SLAMF1: variants seen among roughly 807,000 people sequenced by gnomAD.
SLAMF1 encodes the protein signaling lymphocytic activation molecule family member 1.
Under a neutral mutation model 35.1 loss-of-function variants are expected in SLAMF1, and 18 were observed. That is an observed-to-expected ratio of 0.51 (90% CI 0.35 to 0.76). The LOEUF is 0.76. Among genes scored for constraint, SLAMF1 ranks in the 30% least tolerant of loss-of-function variants. The pLI, the probability that SLAMF1 is intolerant of heterozygous loss-of-function variation, is 0.01. For missense variants in SLAMF1, 392 were observed against 413.0 expected (o/e 0.95, Z 0.44); for synonymous variants, 168 against 157.2 (o/e 1.07, Z -0.51).
In SLAMF1 at chr1:160,634,601, C is replaced by A. The variant is rs1455345183; in HGVS notation, c.700+12G>T. On this transcript the variant is annotated intron_variant, in intron 3 of 6. Transcript: ENST00000302035. ...ATTAAGGTGGCACACAGGCTGCCAC[C>A]AGTGTACTCACCTGAGGGGTCTGTC... 6.3e-7 allele frequency: 1 copy of A among 1,582,756 alleles called. No homozygotes were observed. Among genetic ancestry groups the A allele is most frequent in the South Asian group, 1.2e-5 (1 of 85,690 alleles).
At chr1:160,633,738 G>A (rs997785723) in intron 3 of SLAMF1, among the ~76,000 whole-genome samples, 2 of 152,222 alleles carry the variant, frequency 1.3e-5, no homozygotes, top group African/African-American at 4.8e-5. Flanking sequence ...GGCTTACTTA[G>A]TAAGTTCTGT....
At chr1:160,637,614 G>T in intron 1 of SLAMF1, 85 bp from the exon 2 acceptor site, 1 of 971,312 alleles carries the variant, frequency 1.0e-6, no homozygotes, top group African/African-American at 1.6e-5. Context: ...ACAGACTGGA[G>T]GCTCTCCCTC....
chr1:160,639,438 G>C (rs1660627000), intron 1 of SLAMF1, among the ~76,000 whole-genome samples: 1 of 152,084 alleles, frequency 6.6e-6, no homozygotes, highest in South Asian at 2.1e-4. Context: ...TGTTGGCCAG[G>C]CTGGTTTCGA....
intron 1 of SLAMF1, among the ~76,000 whole-genome samples, chr1:160,638,913 T>C (rs1309711836): frequency 1.3e-5 from 2 of 152,214 alleles, no homozygotes; most frequent in Non-Finnish European, 2.9e-5. Context: ...TCTGCTCTTC[T>C]GGACTTCTAA....
At chr1:160,630,945 T>C (rs1481609746) in intron 3 of SLAMF1, among the ~76,000 whole-genome samples, 1 of 152,144 alleles carries the variant, frequency 6.6e-6, no homozygotes, top group Non-Finnish European at 1.5e-5. Flanking sequence ...CTCTCTCTAA[T>C]CCCCCGAGAC....
intron 1 of SLAMF1, among the ~76,000 whole-genome samples, chr1:160,643,403 C>T (rs1660863882): frequency 6.6e-6 from 1 of 152,162 alleles, no homozygotes; most frequent in Admixed American, 6.5e-5. Flanking sequence ...GCACCCTGGG[C>T]GCTCTACCTA....
At position 160,637,241 on chromosome 1, in the gene SLAMF1, A is replaced by C; in HGVS notation, c.365T>G (p.Leu122Arg). The change falls in exon 2 of 7, where the codon CTG (leucine) becomes CGG (arginine). Residue 122 changes from leucine (L) to arginine (R), a missense_variant. By Grantham distance (102) the Leu-to-Arg change is moderately radical (BLOSUM62 -2). Coordinates refer to ENST00000302035, the MANE Select transcript of SLAMF1 (RefSeq NM_003037.5). ...GCGCTGAACTGAAACATTTTTCTCC[A>C]GGGTCATAAGGTACCATCCCTCATC... ...KEDEGWYLMT[L>R]EKNVSVQRFC... 1 of 1,614,134 alleles carries C rather than the reference A, an allele frequency of 6.2e-7. No homozygotes were observed. Among genetic ancestry groups the C allele is most frequent in the Non-Finnish European group, 8.5e-7 (1 of 1,180,000 alleles).
intron 4 of SLAMF1, among the ~76,000 whole-genome samples, chr1:160,621,963 A>G (rs1370155146): frequency 6.6e-6 from 1 of 151,676 alleles, no homozygotes; most frequent in Non-Finnish European, 1.5e-5. Context: ...AGTGTTTGCA[A>G]AGTAAGACAT....
chr1:160,646,989 G>T lies in SLAMF1; in HGVS notation c.-44C>A. 2.2e-5 allele frequency: 22 copies of T among 1,019,042 alleles called. No homozygotes were observed. The highest frequency in any genetic ancestry group is 3.2e-5 in the Non-Finnish European group (21 of 646,484). The allele number at this position is 1,019,042 out of a possible 1,614,324, so 63.1% of individuals were successfully genotyped here. ...AAGGGATCCTGGCCGGAGCCTGGCA[G>T]CTGCTCACAGATGCCAGGCAGAAGC... On this transcript the variant is annotated 5_prime_UTR_variant, in exon 1 of 7. It adds an upstream start codon to the 5' untranslated region. Transcript: ENST00000302035.
chr1:160,632,596 T>C (rs1660218999), intron 3 of SLAMF1, among the ~76,000 whole-genome samples: 1 of 152,130 alleles, frequency 6.6e-6, no homozygotes, highest in Non-Finnish European at 1.5e-5. Context: ...ATTAAATTCT[T>C]TTTAAACTAC....
chr1:160,646,953 T>C lies in SLAMF1; in HGVS notation c.-8A>G. ...GAGCCCCTTGGGATCCATCAGCCAATGAGGAGAAGGAAGGGATCCTGGCCG... is the reference window on the plus strand; with the variant it reads ...GAGCCCCTTGGGATCCATCAGCCAACGAGGAGAAGGAAGGGATCCTGGCCG... On this transcript the variant is annotated 5_prime_UTR_variant, in exon 1 of 7. Transcript: ENST00000302035. 6.5e-7 allele frequency: 1 copy of C among 1,547,190 alleles called. No individual in the cohort carries two copies. Among genetic ancestry groups the C allele is most frequent in the Non-Finnish European group, 8.9e-7 (1 of 1,120,784 alleles).
chr1:160,626,569 C>T (rs969971100), intron 3 of SLAMF1, among the ~76,000 whole-genome samples: 1 of 152,098 alleles, frequency 6.6e-6, no homozygotes, highest in Non-Finnish European at 1.5e-5. Flanking sequence ...TAGTATAGTG[C>T]TTATTTCACC....
At position 160,637,282 on chromosome 1, in the gene SLAMF1, C is replaced by T. The variant is rs772205333; in HGVS notation, c.324G>A (p.Arg108=). 1.2e-6 allele frequency: 2 copies of T among 1,614,034 alleles called. No individual in the cohort carries two copies. Among genetic ancestry groups the T allele is most frequent in the Non-Finnish European group, 1.7e-6 (2 of 1,179,968 alleles). Residue 108 remains arginine (R), a synonymous_variant, in exon 2 of 7, where the codon CGG becomes CGA. Coordinates refer to ENST00000302035, the MANE Select transcript of SLAMF1 (RefSeq NM_003037.5). Reference sequence around the variant, plus strand: ...ATCCCTCATCCTCCTTCCTGCTTTCCCGTATCCCCAGGGTGAGATTCTCCA... The same window carrying T: ...ATCCCTCATCCTCCTTCCTGCTTTCTCGTATCCCCAGGGTGAGATTCTCCA... The part of the protein sequence containing the change: ...FYLENLTLGI[R]ESRKEDEGWY...
chr1:160,644,167 A>G (rs534602562), intron 1 of SLAMF1, among the ~76,000 whole-genome samples: 3 of 152,142 alleles, frequency 2.0e-5, no homozygotes, highest in African/African-American at 7.2e-5. Flanking sequence ...AATTTATTCC[A>G]ATTCAATTCA....
chr1:160,608,127 A>C lies in SLAMF1; in HGVS notation c.*2621T>G, dbSNP rs1658794434. 1 of 152,246 alleles carries C rather than the reference A, an allele frequency of 6.6e-6. No individual in the cohort carries two copies. The highest frequency in any genetic ancestry group is 1.5e-5 in the Non-Finnish European group (1 of 68,046). 9.4% of individuals were successfully genotyped at this position (152,246 alleles called of 1,614,324 possible). A position where few individuals can be genotyped will look rare whatever the true frequency, so the allele number is the denominator to read the frequency against. On this transcript the variant is annotated 3_prime_UTR_variant, in exon 7 of 7. Transcript: ENST00000302035. ...GCAATTTCCTTGATGGACTGGCTGT[A>C]ATTTATTCATTTCCAAAAAGTAGAA...
At chr1:160,623,685 T>C (rs1659732795) in intron 4 of SLAMF1, 1 of 400,226 alleles carries the variant, frequency 2.5e-6, no homozygotes, top group Non-Finnish European at 4.4e-6. Context: ...AGGGGAATAA[T>C]TGTGCCTTAT....
chr1:160,628,033 G>C (rs1482480236), intron 3 of SLAMF1, among the ~76,000 whole-genome samples: 1 of 152,118 alleles, frequency 6.6e-6, no homozygotes, highest in Non-Finnish European at 1.5e-5. Context: ...ACATGATTTT[G>C]CTCCTCATTC....
At chr1:160,634,541 AG>A in intron 3 of SLAMF1, 71 bp downstream of exon 3, 1 of 1,470,624 alleles carries the variant, frequency 6.8e-7, no homozygotes, top group Non-Finnish European at 9.2e-7. Flanking sequence ...ATGGCTGGGG[AG>A]CAATTGGACC....
chr1:160,637,508 G>T lies in SLAMF1; in HGVS notation c.98C>A (p.Pro33Gln). 1 of 1,611,104 alleles carries T rather than the reference G, an allele frequency of 6.2e-7. No individual in the cohort carries two copies. The highest frequency in any genetic ancestry group is 8.5e-7 in the Non-Finnish European group (1 of 1,179,792). Residue 33 changes from proline to glutamine, a missense_variant, in exon 2 of 7, where the codon CCA (proline) becomes CAA (glutamine). Pro to Gln is a moderately conservative substitution (Grantham distance 76). Transcript: ENST00000302035. ...YGTGGRMMNC[P>Q]KILRQLGSKV... The stretch of plus-strand genomic sequence containing the variant: ...GCTTCCCAACTGCCGGAGAATCTTT[G>T]GGCAGTTCATCATGCGCCCACCTGT...
Sources: gnomAD v4.1 joint callset for allele counts (sites outside exome capture counted in the v4.1 genomes callset) on GRCh38, gnomAD v4.1.1 for gene constraint, MANE v1.5 for transcripts, NCBI Gene and HGNC (gene_info 2026-07-23, HGNC 2026-07-21) for gene names.